The following CNOT6 variants were observed in gnomAD, a reference collection of about 807,000 sequenced individuals.
CNOT6 encodes carbon catabolite repression 4 protein.
A neutral mutation model predicts 61.2 loss-of-function variants in CNOT6; 12 were observed. That is an observed-to-expected ratio of 0.20 (90% CI 0.13 to 0.32). CNOT6 has a LOEUF of 0.32. Ranked by LOEUF, CNOT6 falls within the 10% of genes least tolerant of loss-of-function variation. The pLI is 1.00. For missense variants in CNOT6, 405 were observed against 663.9 expected (o/e 0.61, Z 4.28); for synonymous variants, 225 against 240.6 (o/e 0.94, Z 0.60).
chr5:180,553,599 G>A, intron 4 of CNOT6, 128 bp downstream of exon 4: 1 of 653,426 alleles, frequency 1.5e-6, no homozygotes, highest in Non-Finnish European at 2.6e-6. Context: ...CAGTTTCTTA[G>A]CTATATCGCA....
chr5:180,567,032 A>AAT lies in CNOT6; in HGVS notation c.718-53_718-52dup. ...AGCTCTCAAACTATACATAGAAGTT[A>AAT]ATATGCAGACTAATTTTTGTCTTAT... On this transcript the variant is annotated intron_variant, in intron 7 of 11. Transcript: ENST00000261951. 3.4e-6 allele frequency: 5 copies of AAT among 1,476,472 alleles called. No homozygotes were observed. In the South Asian group the frequency reaches 6.4e-5, roughly 19 times the overall value. The allele number at this position is 1,476,472 out of a possible 1,614,324, so 91.5% of individuals were successfully genotyped here.
chr5:180,507,146 A>G (rs970231129), intron 1 of CNOT6, among the ~76,000 whole-genome samples: 2 of 152,174 alleles, frequency 1.3e-5, no homozygotes, highest in African/African-American at 2.4e-5. Context: ...GGCAGAAGAC[A>G]TGGCATTGCT....
chr5:180,514,152 A>G lies in CNOT6; in HGVS notation c.-2-15123A>G, dbSNP rs988293888. On this transcript the variant is annotated intron_variant, in intron 1 of 11. Coordinates refer to ENST00000261951, the MANE Select transcript of CNOT6 (RefSeq NM_001370472.1). Reference sequence around the variant, plus strand: ...TGAAACTTCTCGATTTTATAGTCAGAAGTCAGCTTCACCGTAATCCCAGCA... The same window carrying G: ...TGAAACTTCTCGATTTTATAGTCAGGAGTCAGCTTCACCGTAATCCCAGCA... Among the ~76,000 whole-genome samples, 3 of 151,630 alleles carry G rather than the reference A, an allele frequency of 2.0e-5. No individual in the cohort carries two copies. The East Asian group carries it at 6.0e-4, about 30-fold the overall frequency.
intron 1 of CNOT6, among the ~76,000 whole-genome samples, chr5:180,525,279 C>G (rs1581499046): frequency 6.6e-6 from 1 of 152,050 alleles, no homozygotes; most frequent in Non-Finnish European, 1.5e-5. Context: ...GCTCATGCCT[C>G]TAATCTTAAC....
At chr5:180,519,190 G>A (rs1381210930) in intron 1 of CNOT6, among the ~76,000 whole-genome samples, 1 of 152,202 alleles carries the variant, frequency 6.6e-6, no homozygotes, top group African/African-American at 2.4e-5. Context: ...GTCCAAGTAA[G>A]TTGTTTTGAA....
At chr5:180,540,107 G>GT (rs1287711037) in intron 2 of CNOT6, among the ~76,000 whole-genome samples, 1 of 151,890 alleles carries the variant, frequency 6.6e-6, no homozygotes, top group Non-Finnish European at 1.5e-5. Context: ...CATTTTTGGA[G>GT]TTTTTTCTCA....
intron 2 of CNOT6, among the ~76,000 whole-genome samples, chr5:180,536,460 TTATC>T (rs1403148860): frequency 2.6e-5 from 4 of 152,110 alleles, no homozygotes; most frequent in African/African-American, 7.2e-5. Flanking sequence ...TAAGTCCCAT[TTATC>T]TATTTGTTTT....
chr5:180,567,318 T>A, intron 8 of CNOT6, 76 bp downstream of exon 8: 2 of 1,310,394 alleles, frequency 1.5e-6, no homozygotes, highest in South Asian at 1.5e-5. Flanking sequence ...GGAAACTAAT[T>A]GGCAAATGAG....
At chr5:180,499,357 A>G (rs549525984) in intron 1 of CNOT6, among the ~76,000 whole-genome samples, 1 of 152,328 alleles carries the variant, frequency 6.6e-6, no homozygotes, top group South Asian at 2.1e-4. Flanking sequence ...GTCCACTTGA[A>G]ATCAAAGCCA....
At chr5:180,562,468 C>T (rs564047092) in intron 4 of CNOT6, among the ~76,000 whole-genome samples, 22 of 152,188 alleles carry the variant, frequency 1.4e-4, no homozygotes, top group Non-Finnish European at 2.2e-4. Context: ...TGGCCGGGCG[C>T]GGTGGCTCAC....
intron 2 of CNOT6, among the ~76,000 whole-genome samples, chr5:180,536,715 ATCC>A (rs1267375661): frequency 6.6e-6 from 1 of 152,148 alleles, no homozygotes; most frequent in Non-Finnish European, 1.5e-5. Context: ...GGTTCAAGCA[ATCC>A]TCCTTCCTCA....
intron 2 of CNOT6, among the ~76,000 whole-genome samples, chr5:180,538,698 A>G (rs916605682): frequency 1.3e-4 from 5 of 38,868 alleles, no homozygotes; most frequent in South Asian, 7.6e-4. Context: ...ATATATATAT[A>G]TATATATATA....
At chr5:180,545,387 T>G (rs1026583498) in intron 2 of CNOT6, among the ~76,000 whole-genome samples, 2 of 152,254 alleles carry the variant, frequency 1.3e-5, no homozygotes, top group African/African-American at 4.8e-5. Context: ...ATGCATTTTG[T>G]GGAATTTTTG....
chr5:180,534,246 G>A (rs927632252), intron 2 of CNOT6: 2 of 158,398 alleles, frequency 1.3e-5, no homozygotes, highest in Non-Finnish European at 2.9e-5. Flanking sequence ...CTTTGCTACC[G>A]AAAGGGGAAG....
At chr5:180,504,299 G>C (rs1028761147) in intron 1 of CNOT6, among the ~76,000 whole-genome samples, 3 of 152,286 alleles carry the variant, frequency 2.0e-5, no homozygotes, top group East Asian at 3.9e-4. Flanking sequence ...TTGATGCTTT[G>C]TAAGGTCAAC....
chr5:180,571,216 T>C lies in CNOT6; in HGVS notation c.1259-14T>C. 6.3e-7 allele frequency: 1 copy of C among 1,583,622 alleles called. No homozygotes were observed. The highest frequency in any genetic ancestry group is 2.2e-5 in the East Asian group (1 of 44,682). ...GTATATATTTGACAATAAAAAAATT[T>C]GTCTTCATTGTAGGTGTTGTAGAAT... is the stretch of plus-strand genomic sequence containing the variant. On this transcript the variant is annotated splice_polypyrimidine_tract_variant and intron_variant, in intron 10 of 11. Transcript: ENST00000261951.
intron 4 of CNOT6, among the ~76,000 whole-genome samples, chr5:180,561,074 C>T (rs1581560631): frequency 6.6e-6 from 1 of 152,244 alleles, no homozygotes; most frequent in East Asian, 1.9e-4. Flanking sequence ...CCTCAGCCTC[C>T]CAAGTAGCTG....
At chr5:180,526,357 T>C (rs1561641282) in intron 1 of CNOT6, among the ~76,000 whole-genome samples, 1 of 152,080 alleles carries the variant, frequency 6.6e-6, no homozygotes, top group Non-Finnish European at 1.5e-5. Context: ...AAGGAAGGGA[T>C]TGCCAGAGTA....
intron 2 of CNOT6, among the ~76,000 whole-genome samples, chr5:180,540,888 C>G (rs187136923): frequency 2.0e-4 from 30 of 152,114 alleles, no homozygotes; most frequent in African/African-American, 7.0e-4. Context: ...TTTCCGTATA[C>G]TTAGCATTTC....
Sources: gnomAD v4.1 joint callset for allele counts (sites outside exome capture counted in the v4.1 genomes callset) on GRCh38, gnomAD v4.1.1 for gene constraint, MANE v1.5 for transcripts, NCBI Gene and HGNC (gene_info 2026-07-23, HGNC 2026-07-21) for gene names.